Variants in C5AR2 observed in about 807,000 individuals in gnomAD.
C5AR2 encodes the protein C5a anaphylatoxin chemotactic receptor 2.
For missense variants in C5AR2, 458 were observed against 467.5 expected, an observed-to-expected ratio of 0.98 and a Z score of 0.19; for synonymous variants, 224 against 216.5, an observed-to-expected ratio of 1.03 and a Z score of -0.30.
Position 47,346,482 on chromosome 19 carries a change from T to TTA in C5AR2, c.*4669_*4670insTA, listed in dbSNP as rs1969121076. 1 of 152,028 alleles carries TTA rather than the reference T, an allele frequency of 6.6e-6. No individual in the cohort carries two copies. Among genetic ancestry groups the TTA allele is most frequent in the Non-Finnish European group, 1.5e-5 (1 of 68,028 alleles). 9.4% of individuals were successfully genotyped at this position (152,028 alleles called of 1,614,324 possible). On this transcript the variant is annotated 3_prime_UTR_variant, in exon 2 of 2. Coordinates refer to ENST00000595464, the MANE Select transcript of C5AR2 (RefSeq NM_001271749.2). ...ACTTTGGGAGGCCAATGCAGGTGGA[T>TTA]CACCTGAGGTCAGGAGATCAAGACC...
chr19:47,342,608 C>T lies in C5AR2; in HGVS notation c.*795C>T, dbSNP rs1445595054. The stretch of plus-strand genomic sequence containing the variant: ...TTGTTAGCCAGGATGGTCTTGATCT[C>T]CTGACCTGGTGATCCACCCGCCTCA... On this transcript the variant is annotated 3_prime_UTR_variant, in exon 2 of 2. Coordinates refer to ENST00000595464, the MANE Select transcript of C5AR2 (RefSeq NM_001271749.2). 6.6e-6 allele frequency: 1 copy of T among 151,878 alleles called. No homozygotes were observed. The highest frequency in any genetic ancestry group is 2.0e-4 in the East Asian group (1 of 5,082). The allele number at this position is 151,878 out of a possible 1,614,324, so 9.4% of individuals were successfully genotyped here. A position where few individuals can be genotyped will look rare whatever the true frequency, so the allele number is the denominator to read the frequency against.
At position 47,344,188 on chromosome 19, in the gene C5AR2, A is replaced by G. The variant is rs1171806394; in HGVS notation, c.*2375A>G. On this transcript the variant is annotated 3_prime_UTR_variant, in exon 2 of 2. Transcript: ENST00000595464. ...AAGACCCCATCTCTACAAAAATAAA[A>G]AAAAGAAAATTAGCCTGGTTTGGTG... is the stretch of plus-strand genomic sequence containing the variant. 1 of 152,286 alleles carries G rather than the reference A, an allele frequency of 6.6e-6. No homozygotes were observed. The highest frequency in any genetic ancestry group is 1.5e-5 in the Non-Finnish European group (1 of 68,060). The allele number at this position is 152,286 out of a possible 1,614,324, so 9.4% of individuals were successfully genotyped here.
chr19:47,339,468 C>T (rs1275960960), intron 1 of C5AR2, among the ~76,000 whole-genome samples: 1 of 152,080 alleles, frequency 6.6e-6, no homozygotes, highest in African/African-American at 2.4e-5. Context: ...CAGGCGTCCA[C>T]CATCACTCCA....
In C5AR2 at chr19:47,341,372, C is replaced by T. The variant is rs201038011; in HGVS notation, c.573C>T (p.Gly191=). The T allele has an allele frequency of 1.6e-5, 26 of 1,612,284 alleles. No individual in the cohort carries two copies. The Admixed American group carries it at 2.7e-4, about 17-fold the overall frequency. ...PARLQCVVDY[G]GSSSTENAVT... is the part of the protein sequence containing the mutation. ...GGCTGCAGTGTGTGGTGGACTACGGCGGCTCCTCCAGCACCGAGAATGCGG... is the reference window on the plus strand; with the variant it reads ...GGCTGCAGTGTGTGGTGGACTACGGTGGCTCCTCCAGCACCGAGAATGCGG... Residue 191 remains glycine (G), a synonymous_variant, in exon 2 of 2, where the codon GGC becomes GGT. Coordinates refer to ENST00000595464, the MANE Select transcript of C5AR2 (RefSeq NM_001271749.2). The surrounding 1 kb of genome is among the most constrained non-coding windows in gnomAD (Gnocchi z 4.6).
rs144687097 is a variant in C5AR2, at chr19:47,340,992, C to T, written c.193C>T (p.Arg65Cys). 37 of 1,610,194 alleles carry T rather than the reference C, an allele frequency of 2.3e-5. No individual in the cohort carries two copies. The East Asian group carries it at 4.2e-4, about 18-fold the overall frequency. Reference protein sequence around the residue: ...MVAWVAGKVARRRVGATWLLH... With the variant: ...MVAWVAGKVACRRVGATWLLH... The stretch of plus-strand genomic sequence containing the variant: ...GGCCTGGGTGGCTGGGAAGGTGGCC[C>T]GCCGGAGGGTGGGTGCCACCTGGTT... The change falls in exon 2 of 2, where the codon CGC (arginine) becomes TGC (cysteine). Residue 65 changes from arginine (R) to cysteine (C), a missense_variant. Arg to Cys is a radical substitution (Grantham distance 180). Transcript: ENST00000595464.
rs1166782578 is a variant in C5AR2 at position 47,341,418 on chromosome 19, T to C, written c.619T>C (p.Phe207Leu). The change falls in exon 2 of 2, where the codon TTT becomes CTT. Residue 207 changes from phenylalanine (F) to leucine (L), a missense_variant. Coordinates refer to ENST00000595464, the MANE Select transcript of C5AR2 (RefSeq NM_001271749.2). The surrounding 1 kb of genome is among the most constrained non-coding windows in gnomAD (Gnocchi z 4.6). ...TGCGGTGACTGCCATCCGGTTTCTT[T>C]TTGGCTTCCTGGGGCCCCTGGTGGC... ...ENAVTAIRFLFGFLGPLVAVA... is the reference protein window; with the variant it reads ...ENAVTAIRFLLGFLGPLVAVA... 6.2e-7 allele frequency: 1 copy of C among 1,612,390 alleles called. No individual in the cohort carries two copies. Among genetic ancestry groups the C allele is most frequent in the Admixed American group, 1.7e-5 (1 of 59,996 alleles).
At chr19:47,336,472 CCTTCCTTCCTTCCTTCCTTTCTTTCTTT>C (rs1568668395) in intron 1 of C5AR2, among the ~76,000 whole-genome samples, 33 of 90,624 alleles carry the variant, frequency 3.6e-4, no homozygotes, top group Middle Eastern at 0.01. Flanking sequence ...TTCCTTCCTT[CCTTCCTTCCTTCCTTCCTTTCTTTCTTT>C]CTTTCTTTCT....
intron 1 of C5AR2, among the ~76,000 whole-genome samples, chr19:47,333,106 G>A (rs1241657429): frequency 6.6e-6 from 1 of 152,074 alleles, no homozygotes. Flanking sequence ...CCAGGTTCAA[G>A]TGATTCTCCT....
chr19:47,339,407 C>CCCTGGTT (rs2059373546), intron 1 of C5AR2, among the ~76,000 whole-genome samples: 1 of 151,608 alleles, frequency 6.6e-6, no homozygotes, highest in African/African-American at 2.4e-5. Context: ...ACCTCCGCCT[C>CCCTGGTT]CCTGGTTCAA....
chr19:47,343,576 T>C lies in C5AR2; in HGVS notation c.*1763T>C, dbSNP rs4802346. ...ATCTCAGCACTTTGGGAGGCCGAGGTGGGAGGATTGCATGAGCCCAGGAGT... is the reference window on the plus strand; with the variant it reads ...ATCTCAGCACTTTGGGAGGCCGAGGCGGGAGGATTGCATGAGCCCAGGAGT... On this transcript the variant is annotated 3_prime_UTR_variant, in exon 2 of 2. Coordinates refer to ENST00000595464, the MANE Select transcript of C5AR2 (RefSeq NM_001271749.2). The C allele has an allele frequency of 0.27, 41,284 of 151,914 alleles. 6,179 individuals carry two copies. The highest frequency in any genetic ancestry group is 0.38 in the African/African-American group (15,806 of 41,406). The allele number at this position is 151,914 out of a possible 1,614,324, so 9.4% of individuals were successfully genotyped here.
chr19:47,332,219 G>A lies in C5AR2; in HGVS notation c.-146G>A, dbSNP rs532012258. On this transcript the variant is annotated 5_prime_UTR_variant, in exon 1 of 2. Transcript: ENST00000595464. The stretch of plus-strand genomic sequence containing the variant: ...CGACAGGAGCCCTGGCAAACAGGAC[G>A]GATTTCCAGGACTCTACCAGCTGCC... 1 of 152,376 alleles carries A rather than the reference G, an allele frequency of 6.6e-6. No individual in the cohort carries two copies. Among genetic ancestry groups the A allele is most frequent in the South Asian group, 2.1e-4 (1 of 4,838 alleles). 9.4% of individuals were successfully genotyped at this position (152,376 alleles called of 1,614,324 possible).
chr19:47,340,857 C>T lies in C5AR2; in HGVS notation c.58C>T (p.Pro20Ser). 1 of 1,613,676 alleles carries T rather than the reference C, an allele frequency of 6.2e-7. No homozygotes were observed. Among genetic ancestry groups the T allele is most frequent in the Non-Finnish European group, 8.5e-7 (1 of 1,179,996 alleles). The change falls in exon 2 of 2, where the codon CCT becomes TCT. Residue 20 changes from proline (P) to serine (S), a missense_variant. Pro to Ser is a moderately conservative substitution (Grantham distance 74, BLOSUM62 -1). Transcript: ENST00000595464. ...YGDYSDLSDR[P>S]VDCLDGACLA... The stretch of plus-strand genomic sequence containing the variant: ...GGATTACAGCGACCTCTCGGACCGC[C>T]CTGTGGACTGCCTGGATGGCGCCTG...
chr19:47,336,487 TCCTTTC>T (rs1286583132), intron 1 of C5AR2, among the ~76,000 whole-genome samples: 29 of 4,288 alleles, frequency 6.8e-3, no homozygotes, highest in African/African-American at 0.036. Context: ...CTTCCTTCCT[TCCTTTC>T]TTTCTTTCTT....
chr19:47,338,677 T>TAATAATAAC (rs1212589405), intron 1 of C5AR2, among the ~76,000 whole-genome samples: 1 of 146,290 alleles, frequency 6.8e-6, no homozygotes, highest in African/African-American at 2.5e-5. Flanking sequence ...ATAATAATAA[T>TAATAATAAC]AATAATAATA....
At position 47,341,162 on chromosome 19, in the gene C5AR2, C is replaced by T. The variant is rs1419431853; in HGVS notation, c.363C>T (p.Ser121=). ...TCATCCTGCTGACCATGTATGCCAG[C>T]GTCCTGCTCCTGGCAGCTCTCAGTG... is the stretch of plus-strand genomic sequence containing the variant. The part of the protein sequence containing the change: ...PSIILLTMYA[S]VLLLAALSAD... Residue 121 remains serine (S), a synonymous_variant, in exon 2 of 2, where the codon AGC becomes AGT. Transcript: ENST00000595464. This position sits in a 1 kb window ranked among gnomAD's most constrained non-coding sequence, Gnocchi z 4.6. The T allele has an allele frequency of 3.1e-6, 5 of 1,601,156 alleles. No individual in the cohort carries two copies. Among genetic ancestry groups the T allele is most frequent in the East Asian group, 2.2e-5 (1 of 44,870 alleles).
chr19:47,333,505 C>A (rs749178523), intron 1 of C5AR2, among the ~76,000 whole-genome samples: 1 of 150,250 alleles, frequency 6.7e-6, no homozygotes, highest in South Asian at 2.1e-4. Context: ...TGTTCTTTTG[C>A]GGAAAGGAGG....
chr19:47,340,711 T>G (rs1968998249), intron 1 of C5AR2, 74 bp from the exon 2 acceptor site: 39 of 1,410,858 alleles, frequency 2.8e-5, no homozygotes, highest in Non-Finnish European at 3.7e-5. Context: ...TGGGCCGGGC[T>G]GATGGACACC....
rs1308857138 is a variant in C5AR2 at position 47,341,704 on chromosome 19, C to A, written c.905C>A (p.Ser302Ter). 1 of 1,613,928 alleles carries A rather than the reference C, an allele frequency of 6.2e-7. No homozygotes were observed. Among genetic ancestry groups the A allele is most frequent in the South Asian group, 1.1e-5 (1 of 91,066 alleles). The change falls in exon 2 of 2, where the codon TCA (serine) becomes TAA (stop). Residue 302 changes from serine to a stop codon, truncating the protein, a stop_gained. Transcript: ENST00000595464. LOFTEE classifies it low-confidence loss of function (END_TRUNC). This position sits in a 1 kb window ranked among gnomAD's most constrained non-coding sequence, Gnocchi z 4.6. ...TTTGGGAGGGCTCAACTCCGCCGGT[C>A]ACTGCCAGCTGCCTGTCACTGGGCC... ...LYFGRAQLRRSLPAACHWALR... is the reference protein window; with the variant it reads ...LYFGRAQLRR
chr19:47,336,497 CTTTCTT>C (rs1456009126), intron 1 of C5AR2, among the ~76,000 whole-genome samples: 7 of 138,224 alleles, frequency 5.1e-5, no homozygotes, highest in Admixed American at 3.7e-4. Flanking sequence ...TCCTTTCTTT[CTTTCTT>C]TCTTTCTTTT....
Sources: gnomAD v4.1 joint callset for allele counts (sites outside exome capture counted in the v4.1 genomes callset) on GRCh38, gnomAD v4.1.1 for gene constraint, Gnocchi (gnomAD v3.1) non-coding constraint, MANE v1.5 for transcripts, NCBI Gene and HGNC (gene_info 2026-07-23, HGNC 2026-07-21) for gene names.